The following MCF2L2 variants were observed in gnomAD, a reference collection of about 807,000 sequenced individuals.
MCF2L2 encodes probable guanine nucleotide exchange factor MCF2L2.
Under a neutral mutation model 150.2 loss-of-function variants are expected in MCF2L2, and 102 were observed. The observed-to-expected ratio is 0.68, with a 90% CI of 0.58 to 0.80. The LOEUF (loss-of-function observed/expected upper bound fraction) is 0.80, where lower values mean the gene tolerates loss of function less well. Ranked by LOEUF, MCF2L2 falls within the 30% of genes least tolerant of loss-of-function variation. MCF2L2 has a pLI of 0.00. For synonymous variants in MCF2L2, 465 were observed against 491.3 expected, an observed-to-expected ratio of 0.95 and a Z score of 0.71; for missense variants, 1,256 against 1,372.8, an observed-to-expected ratio of 0.91 and a Z score of 1.34.
chr3:183,223,180 A>G (rs1455664234), intron 20 of MCF2L2, among the ~76,000 whole-genome samples, 166 bp downstream of exon 20: 2 of 152,204 alleles, frequency 1.3e-5, no homozygotes, highest in Non-Finnish European at 1.5e-5. Flanking sequence ...CTTACTCCAC[A>G]TTGAAGAGGG....
chr3:183,409,921 A>C (rs1225338098), intron 1 of MCF2L2, among the ~76,000 whole-genome samples: 1 of 152,112 alleles, frequency 6.6e-6, no homozygotes, highest in African/African-American at 2.4e-5. Context: ...ACTCCTAGAA[A>C]AGGATCTATA....
intron 3 of MCF2L2, among the ~76,000 whole-genome samples, chr3:183,354,639 T>C (rs890392250): frequency 1.3e-5 from 2 of 152,226 alleles, no homozygotes; most frequent in Non-Finnish European, 2.9e-5. Context: ...AGTTTTCAAG[T>C]TGTCTCACCT....
At chr3:183,292,192 G>A (rs149215049) in intron 13 of MCF2L2, among the ~76,000 whole-genome samples, 36 of 152,202 alleles carry the variant, frequency 2.4e-4, no homozygotes, top group African/African-American at 6.7e-4. Flanking sequence ...ACAAGGGATC[G>A]TAAATTGTAC....
chr3:183,302,553 G>C (rs1162273397), intron 10 of MCF2L2, among the ~76,000 whole-genome samples: 2 of 152,156 alleles, frequency 1.3e-5, no homozygotes, highest in African/African-American at 2.4e-5. Context: ...TTGGAGGGAG[G>C]ATCTCGATCA....
intron 8 of MCF2L2, 110 bp downstream of exon 8, chr3:183,311,538 G>T: frequency 4.2e-6 from 5 of 1,185,942 alleles, no homozygotes; most frequent in East Asian, 2.4e-5. Context: ...CTTCTTCCTT[G>T]GCCCCACCAA....
rs1726699486 is a variant in MCF2L2 at position 183,270,791 on chromosome 3, C to G, written c.1862+6081G>C. 6.2e-7 allele frequency: 1 copy of G among 1,614,010 alleles called. No homozygotes were observed. Among genetic ancestry groups the G allele is most frequent in the Admixed American group, 1.7e-5 (1 of 59,986 alleles). ...ATGGACACTTAGAAGATCTCCAGGACCTTTGGAAGAATGCTACAGATCCTA... is the reference window on the plus strand; with the variant it reads ...ATGGACACTTAGAAGATCTCCAGGAGCTTTGGAAGAATGCTACAGATCCTA... On this transcript the variant is annotated intron_variant, in intron 15 of 29. Coordinates refer to ENST00000328913, the MANE Select transcript of MCF2L2 (RefSeq NM_015078.4). The surrounding 1 kb of genome is among the most constrained non-coding windows in gnomAD (Gnocchi z 4.5).
chr3:183,314,917 T>C (rs1448801771), intron 7 of MCF2L2, among the ~76,000 whole-genome samples: 3 of 53,848 alleles, frequency 5.6e-5, no homozygotes, highest in African/African-American at 2.2e-4. Flanking sequence ...CTTTTTTTTT[T>C]TTTTTTTTTT....
At position 183,393,489 on chromosome 3, in the gene MCF2L2, G is replaced by A. The variant is rs1294405168; in HGVS notation, c.77-3710C>T. 4.6e-5 allele frequency among the ~76,000 whole-genome samples: 7 copies of A among 152,222 alleles called. No homozygotes were observed. The East Asian group carries it at 1.4e-3, about 29-fold the overall frequency. On this transcript the variant is annotated intron_variant, in intron 1 of 29. Coordinates refer to ENST00000328913, the MANE Select transcript of MCF2L2 (RefSeq NM_015078.4). ...ATTACAGGTGTGAGCCATTGCGCCTGGCAGAAACTTGTCTCTTTGTTACCC... is the reference window on the plus strand; with the variant it reads ...ATTACAGGTGTGAGCCATTGCGCCTAGCAGAAACTTGTCTCTTTGTTACCC...
intron 1 of MCF2L2, among the ~76,000 whole-genome samples, chr3:183,420,736 A>T (rs1004137455): frequency 3.9e-5 from 6 of 152,250 alleles, no homozygotes; most frequent in African/African-American, 1.2e-4. Flanking sequence ...AGTAAGGCAC[A>T]TCTTCGCAAG....
At chr3:183,376,999 T>C (rs1354927491) in intron 3 of MCF2L2, 1 of 152,246 alleles carries the variant, frequency 6.6e-6, no homozygotes, top group Non-Finnish European at 1.5e-5. Flanking sequence ...CAAGTGCTTT[T>C]AACTTAAATA....
intron 6 of MCF2L2, among the ~76,000 whole-genome samples, chr3:183,320,455 G>C (rs1222608714): frequency 6.6e-6 from 1 of 152,182 alleles, no homozygotes; most frequent in Non-Finnish European, 1.5e-5. Context: ...TGCAGCTTCT[G>C]TAGCAGCACC....
chr3:183,358,820 T>C (rs1345067713), intron 3 of MCF2L2, among the ~76,000 whole-genome samples: 1 of 152,112 alleles, frequency 6.6e-6, no homozygotes. Context: ...AGACAGGGTC[T>C]TGCCGTGTTG....
chr3:183,228,011 T>TTA (rs150298008), intron 18 of MCF2L2: 25 of 35,880 alleles, frequency 7.0e-4, no homozygotes, highest in Middle Eastern at 0.013. Flanking sequence ...TGTTTTTGGA[T>TTA]TATATATATA....
intron 27 of MCF2L2, 92 bp from the exon 28 acceptor site, chr3:183,180,251 A>T: frequency 1.3e-6 from 1 of 798,548 alleles, no homozygotes; most frequent in Non-Finnish European, 2.2e-6. Flanking sequence ...TGCCTGTTGC[A>T]GGCACGGTCC....
rs192138297 is a variant in MCF2L2, at chr3:183,410,722, T to C, written c.76+17180A>G. On this transcript the variant is annotated intron_variant, in intron 1 of 29. Coordinates refer to ENST00000328913, the MANE Select transcript of MCF2L2 (RefSeq NM_015078.4). ...TTTACATTCTTAATGATTCTAAAAG[T>C]TGAAAGCATAATGCCAGTACTTCCC... 2.5e-3 allele frequency among the ~76,000 whole-genome samples: 381 copies of C among 152,328 alleles called. 1 individual carries two copies. The highest frequency in any genetic ancestry group is 8.7e-3 in the African/African-American group (361 of 41,570).
intron 5 of MCF2L2, among the ~76,000 whole-genome samples, chr3:183,336,868 T>A (rs201595159): frequency 0.11 from 11,757 of 102,388 alleles, 502 homozygotes; most frequent in East Asian, 0.22. Context: ...AAAAAAAATA[T>A]ATATATATAT....
At chr3:183,297,222 C>T in intron 11 of MCF2L2, 55 bp from the exon 12 acceptor site, 1 of 1,468,664 alleles carries the variant, frequency 6.8e-7, no homozygotes, top group Non-Finnish European at 9.4e-7. Context: ...CTCAGAGCCA[C>T]CGTAATCCTC....
chr3:183,346,751 T>C (rs950210397), intron 3 of MCF2L2, among the ~76,000 whole-genome samples: 3 of 152,328 alleles, frequency 2.0e-5, no homozygotes, highest in African/African-American at 2.4e-5. Context: ...ATCATAAGCA[T>C]TTCTATTCAC....
intron 5 of MCF2L2, among the ~76,000 whole-genome samples, chr3:183,332,468 C>T (rs1280955994): frequency 6.6e-6 from 1 of 152,120 alleles, no homozygotes; most frequent in Non-Finnish European, 1.5e-5. Context: ...TTCAGTCCCT[C>T]CTAGGTGTAG....
Sources: gnomAD v4.1 joint callset for allele counts (sites outside exome capture counted in the v4.1 genomes callset) on GRCh38, gnomAD v4.1.1 for gene constraint, Gnocchi (gnomAD v3.1) non-coding constraint, MANE v1.5 for transcripts, NCBI Gene and HGNC (gene_info 2026-07-23, HGNC 2026-07-21) for gene names.